FYB1: variants seen among roughly 807,000 people sequenced by gnomAD.
FYB1 encodes the protein FYN binding protein 1.
A neutral mutation model predicts 94.1 loss-of-function variants in FYB1; 41 were observed. The observed-to-expected ratio is 0.44, with a 90% CI of 0.34 to 0.57. The LOEUF is 0.57. Among genes scored for constraint, FYB1 ranks in the 20% least tolerant of loss-of-function variants. The pLI, the probability that FYB1 is intolerant of heterozygous loss-of-function variation, is 0.02. For missense variants in FYB1, 1,050 were observed against 976.8 expected (o/e 1.07, Z -1.00); for synonymous variants, 367 against 353.2 (o/e 1.04, Z -0.44).
intron 2 of FYB1, among the ~76,000 whole-genome samples, chr5:39,163,057 G>A (rs1039588393): frequency 6.6e-6 from 1 of 152,060 alleles, no homozygotes; most frequent in African/African-American, 2.4e-5. Flanking sequence ...TTGTTATGTA[G>A]GTAAAAGTAT....
chr5:39,235,445 G>A (rs1219614930), intron 1 of FYB1, among the ~76,000 whole-genome samples: 1 of 151,920 alleles, frequency 6.6e-6, no homozygotes, highest in Non-Finnish European at 1.5e-5. Flanking sequence ...GTCCAAACAG[G>A]GGCAGAGGGA....
chr5:39,183,495 C>T (rs1223681416), intron 2 of FYB1, among the ~76,000 whole-genome samples: 1 of 152,154 alleles, frequency 6.6e-6, no homozygotes, highest in Non-Finnish European at 1.5e-5. Context: ...TAAGCTTCTA[C>T]ACAAGTGAAC....
intron 7 of FYB1, among the ~76,000 whole-genome samples, chr5:39,135,911 T>C (rs1051387411): frequency 6.6e-6 from 1 of 152,188 alleles, no homozygotes; most frequent in Non-Finnish European, 1.5e-5. Flanking sequence ...TTTGAGTTCA[T>C]ATTTAATGGT....
chr5:39,164,610 G>C (rs760040329), intron 2 of FYB1, among the ~76,000 whole-genome samples: 4 of 152,120 alleles, frequency 2.6e-5, no homozygotes, highest in African/African-American at 4.8e-5. Context: ...TTTTAGTAGA[G>C]ACAGGATTTC....
intron 2 of FYB1, among the ~76,000 whole-genome samples, chr5:39,176,126 A>AT (rs1745695796): frequency 2.1e-5 from 2 of 94,770 alleles, no homozygotes; most frequent in Admixed American, 1.2e-4. Flanking sequence ...ATCCCAAGTC[A>AT]TTTTTTTTCT....
chr5:39,247,113 T>C (rs1482243185), intron 1 of FYB1, among the ~76,000 whole-genome samples: 57 of 130,454 alleles, frequency 4.4e-4, no homozygotes, highest in Admixed American at 3.4e-3. Flanking sequence ...TATATATATA[T>C]ATGACTATAT....
chr5:39,203,302 A>G (rs1005127180), intron 1 of FYB1, among the ~76,000 whole-genome samples: 1 of 152,140 alleles, frequency 6.6e-6, no homozygotes, highest in African/African-American at 2.4e-5. Context: ...CTAACTTGGT[A>G]TTATTTATTT....
chr5:39,163,832 G>C (rs770886597), intron 2 of FYB1, among the ~76,000 whole-genome samples: 1 of 111,128 alleles, frequency 9.0e-6, no homozygotes, highest in Non-Finnish European at 2.1e-5. Context: ...CAACATATTT[G>C]GGCATAAGGC....
chr5:39,170,124 A>C, intron 2 of FYB1: 2 of 806,002 alleles, frequency 2.5e-6, no homozygotes, highest in South Asian at 2.7e-5. Flanking sequence ...AAATGTTATC[A>C]GTTGCTGATG....
chr5:39,131,181 A>G (rs1376965354), intron 9 of FYB1, among the ~76,000 whole-genome samples: 3 of 152,112 alleles, frequency 2.0e-5, no homozygotes, highest in Non-Finnish European at 1.5e-5. Flanking sequence ...TTACTTTCAC[A>G]TCATTCTATA....
intron 3 of FYB1, among the ~76,000 whole-genome samples, chr5:39,144,390 G>C (rs1221156344): frequency 6.6e-6 from 1 of 152,180 alleles, no homozygotes; most frequent in African/African-American, 2.4e-5. Flanking sequence ...ATATTATAGA[G>C]AGCAATCAGC....
intron 16 of FYB1, among the ~76,000 whole-genome samples, chr5:39,111,027 C>A (rs1330636846): frequency 6.6e-6 from 1 of 151,916 alleles, no homozygotes; most frequent in African/African-American, 2.4e-5. Context: ...AGAGCACATA[C>A]TATGGATTCT....
intron 2 of FYB1, among the ~76,000 whole-genome samples, chr5:39,191,701 T>G (rs1747377753): frequency 6.6e-6 from 1 of 152,228 alleles, no homozygotes; most frequent in African/African-American, 2.4e-5. Flanking sequence ...TTTAACTCTT[T>G]TTCTGTCCCT....
Position 39,116,946 on chromosome 5 carries a change from T to C in FYB1, c.2401+1928A>G, listed in dbSNP as rs149710255. ...GAGGAATGTTGCTTTAGATAAGATT[T>C]GCTGCTAAGCATAGGAGACTTAGGT... On this transcript the variant is annotated intron_variant, in intron 16 of 18. Transcript: ENST00000512982. Among the ~76,000 whole-genome samples the C allele has an allele frequency of 7.4e-4, 113 of 152,308 alleles. 2 individuals carry two copies. The East Asian group carries it at 0.02, about 27-fold the overall frequency.
At chr5:39,228,264 C>G (rs1750569345) in intron 1 of FYB1, among the ~76,000 whole-genome samples, 1 of 152,028 alleles carries the variant, frequency 6.6e-6, no homozygotes, top group Non-Finnish European at 1.5e-5. Context: ...AAGAAATAGG[C>G]CTGAGGAACA....
chr5:39,114,136 A>G (rs909888675), intron 16 of FYB1, among the ~76,000 whole-genome samples: 2 of 152,106 alleles, frequency 1.3e-5, no homozygotes, highest in African/African-American at 4.8e-5. Flanking sequence ...CCTAAAGAAA[A>G]TGGAGAGCAT....
chr5:39,248,577 T>G (rs1046141598), intron 1 of FYB1, among the ~76,000 whole-genome samples: 1 of 152,150 alleles, frequency 6.6e-6, no homozygotes, highest in African/African-American at 2.4e-5. Context: ...TGTGGTTCAA[T>G]ACTGTAATCC....
At position 39,107,262 on chromosome 5, in the gene FYB1, G is replaced by A; in HGVS notation, c.*181C>T. On this transcript the variant is annotated 3_prime_UTR_variant, in exon 19 of 19. Transcript: ENST00000512982. ...TGTAGTCTTCTGAGTTAACAATTAA[G>A]CAGAGAGATTATTTTCTATGTTCAA... The A allele has an allele frequency of 7.3e-6, 3 of 410,052 alleles. No individual in the cohort carries two copies. Among genetic ancestry groups the A allele is most frequent in the Non-Finnish European group, 1.4e-5 (3 of 221,958 alleles). 25.4% of individuals were successfully genotyped at this position (410,052 alleles called of 1,614,324 possible). A position where few individuals can be genotyped will look rare whatever the true frequency, so the allele number is the denominator to read the frequency against.
At chr5:39,130,279 A>T (rs1317295506) in intron 10 of FYB1, among the ~76,000 whole-genome samples, 1 of 152,070 alleles carries the variant, frequency 6.6e-6, no homozygotes, top group Admixed American at 6.6e-5. Context: ...TTGGGGGGAC[A>T]TGAAGAGAGA....
Sources: gnomAD v4.1 joint callset for allele counts (sites outside exome capture counted in the v4.1 genomes callset) on GRCh38, gnomAD v4.1.1 for gene constraint, MANE v1.5 for transcripts, NCBI Gene and HGNC (gene_info 2026-07-23, HGNC 2026-07-21) for gene names.